The following GPC6 variants were observed in gnomAD, a reference collection of about 807,000 sequenced individuals.
GPC6 encodes glypican-6.
GPC6 carries 14 observed loss-of-function variants against 55.2 expected under a neutral mutation model. The ratio of observed to expected loss-of-function variants is 0.25; its 90% CI spans 0.17 to 0.40. The LOEUF is 0.40. Ranked by LOEUF, GPC6 falls within the 10% of genes least tolerant of loss-of-function variation. The pLI, the probability that GPC6 is intolerant of heterozygous loss-of-function variation, is 1.00. For synonymous variants in GPC6, 278 were observed against 259.6 expected, an observed-to-expected ratio of 1.07 and a Z score of -0.68; for missense variants, 641 against 708.5, an observed-to-expected ratio of 0.90 and a Z score of 1.08.
At chr13:93,727,186 G>A (rs968330182) in intron 2 of GPC6, among the ~76,000 whole-genome samples, 1 of 152,098 alleles carries the variant, frequency 6.6e-6, no homozygotes, top group African/African-American at 2.4e-5. Context: ...AGAGAGATGT[G>A]TAACTCTGAA....
intron 4 of GPC6, among the ~76,000 whole-genome samples, chr13:94,143,593 T>G (rs1887458426): frequency 6.8e-6 from 1 of 146,986 alleles, no homozygotes; most frequent in Non-Finnish European, 1.5e-5. Flanking sequence ...TGAAAGAGAG[T>G]ATAAAGGGAT....
At chr13:93,295,109 C>CAAAAAAAAA (rs71202577) in intron 1 of GPC6, among the ~76,000 whole-genome samples, 58 of 61,770 alleles carry the variant, frequency 9.4e-4, no homozygotes, top group East Asian at 2.3e-3. Flanking sequence ...TCTGTCTCTG[C>CAAAAAAAAA]AAAAAAAAAA....
intron 2 of GPC6, among the ~76,000 whole-genome samples, chr13:93,564,046 T>C (rs972023173): frequency 6.6e-6 from 1 of 152,124 alleles, no homozygotes; most frequent in Admixed American, 6.5e-5. Context: ...GATATATTTC[T>C]TTATATTTCA....
At chr13:93,673,857 C>A (rs1409148394) in intron 2 of GPC6, among the ~76,000 whole-genome samples, 1 of 152,120 alleles carries the variant, frequency 6.6e-6, no homozygotes, top group Non-Finnish European at 1.5e-5. Flanking sequence ...TTGCCTCACA[C>A]ATGAGAGATT....
At chr13:93,377,177 G>C (rs955785151) in intron 1 of GPC6, among the ~76,000 whole-genome samples, 1 of 152,158 alleles carries the variant, frequency 6.6e-6, no homozygotes, top group Non-Finnish European at 1.5e-5. Flanking sequence ...GAGTGTCAGA[G>C]GGTACTTCAT....
At chr13:93,491,568 T>A (rs1880006245) in intron 1 of GPC6, among the ~76,000 whole-genome samples, 1 of 141,452 alleles carries the variant, frequency 7.1e-6, no homozygotes, top group Non-Finnish European at 1.5e-5. Flanking sequence ...CCATTGCTTT[T>A]GGTGTTTTGG....
chr13:94,349,084 C>A (rs1878416335), intron 6 of GPC6, among the ~76,000 whole-genome samples: 1 of 152,190 alleles, frequency 6.6e-6, no homozygotes, highest in Non-Finnish European at 1.5e-5. Context: ...TGTCTGAAAC[C>A]TGTGGAACCT....
At chr13:94,101,785 C>CAA (rs931176075) in intron 4 of GPC6, among the ~76,000 whole-genome samples, 3 of 137,806 alleles carry the variant, frequency 2.2e-5, no homozygotes, top group Non-Finnish European at 3.2e-5. Flanking sequence ...ATTTGGGAAC[C>CAA]AAAAAAAAAA....
intron 1 of GPC6, among the ~76,000 whole-genome samples, chr13:93,498,738 T>A (rs1049853407): frequency 6.6e-6 from 1 of 152,226 alleles, no homozygotes; most frequent in Non-Finnish European, 1.5e-5. Flanking sequence ...TCGGTTATGT[T>A]GTTATCAGCA....
intron 4 of GPC6, among the ~76,000 whole-genome samples, chr13:94,266,166 TTG>T (rs1891801651): frequency 2.7e-5 from 4 of 150,868 alleles, no homozygotes; most frequent in African/African-American, 9.8e-5. Context: ...TTTTTTTTGT[TTG>T]TTTGTTTGTT....
chr13:93,562,041 A>G (rs1448351996), intron 2 of GPC6, among the ~76,000 whole-genome samples: 1 of 152,172 alleles, frequency 6.6e-6, no homozygotes, highest in African/African-American at 2.4e-5. Context: ...TGTTTCTGAA[A>G]TTCAAAATTT....
At chr13:93,968,115 T>A (rs1880127033) in intron 3 of GPC6, among the ~76,000 whole-genome samples, 1 of 152,158 alleles carries the variant, frequency 6.6e-6, no homozygotes, top group African/African-American at 2.4e-5. Flanking sequence ...AGAAAAAAAC[T>A]TCAATATAAG....
At chr13:93,358,435 A>G (rs1406848715) in intron 1 of GPC6, among the ~76,000 whole-genome samples, 1 of 152,178 alleles carries the variant, frequency 6.6e-6, no homozygotes, top group African/African-American at 2.4e-5. Flanking sequence ...TATCCTTACA[A>G]TACCAAGAGG....
intron 1 of GPC6, among the ~76,000 whole-genome samples, chr13:93,354,225 G>A (rs891024795): frequency 6.6e-6 from 1 of 152,116 alleles, no homozygotes; most frequent in Non-Finnish European, 1.5e-5. Flanking sequence ...TAGCAATACA[G>A]GATGATGTAC....
intron 1 of GPC6, among the ~76,000 whole-genome samples, chr13:93,247,603 C>T (rs1341163558): frequency 1.3e-5 from 2 of 152,054 alleles, no homozygotes; most frequent in Non-Finnish European, 2.9e-5. Flanking sequence ...AAGCTTAGGC[C>T]AATCTTTTTA....
At chr13:93,250,303 CTCTT>C (rs1876741654) in intron 1 of GPC6, among the ~76,000 whole-genome samples, 1 of 152,210 alleles carries the variant, frequency 6.6e-6, no homozygotes, top group African/African-American at 2.4e-5. Flanking sequence ...AAAGGAGTGA[CTCTT>C]TCTCACGAAA....
intron 4 of GPC6, among the ~76,000 whole-genome samples, chr13:94,222,102 A>T (rs1192040209): frequency 3.9e-5 from 6 of 151,932 alleles, no homozygotes; most frequent in Non-Finnish European, 8.8e-5. Flanking sequence ...CAAAATGGGG[A>T]TATTAATTCT....
At chr13:94,031,075 C>CGTGTGCGTGTGT (rs1295496872) in intron 4 of GPC6, among the ~76,000 whole-genome samples, 1 of 147,862 alleles carries the variant, frequency 6.8e-6, no homozygotes, top group Non-Finnish European at 1.5e-5. Context: ...TGTGCGTGTG[C>CGTGTGCGTGTGT]GTGTGCGTGT....
intron 3 of GPC6, among the ~76,000 whole-genome samples, chr13:93,858,718 A>G (rs569065661): frequency 8.6e-5 from 13 of 151,688 alleles, no homozygotes; most frequent in African/African-American, 2.9e-4. Context: ...TGGCCTGTCA[A>G]ATTAGCCATG....
Sources: allele counts gnomAD v4.1 joint callset (sites outside exome capture counted in the v4.1 genomes callset), GRCh38; gene constraint gnomAD v4.1.1; transcripts MANE v1.5; gene names NCBI Gene and HGNC (gene_info 2026-07-23, HGNC 2026-07-21).